Variants in LDB3 observed in about 807,000 individuals in gnomAD.
LDB3 encodes LIM domain binding 3.
In LDB3, 49 loss-of-function variants were observed where a neutral mutation model predicts 69.0. The ratio of observed to expected loss-of-function variants is 0.71; its 90% CI spans 0.56 to 0.90. LDB3 has a LOEUF of 0.90. Among genes scored for constraint, LDB3 ranks in the 40% least tolerant of loss-of-function variants. LDB3 has a pLI of 0.00. For synonymous variants in LDB3, 387 were observed against 396.2 expected (o/e 0.98, Z 0.28); for missense variants, 928 against 974.1 (o/e 0.95, Z 0.63).
chr10:86,726,534 T>C (rs978773698), intron 13 of LDB3: 9 of 465,056 alleles, frequency 1.9e-5, no homozygotes, highest in African/African-American at 1.6e-4. Flanking sequence ...TCACCAGCAG[T>C]GTTGTCAGCG....
chr10:86,699,404 A>G lies in LDB3; in HGVS notation c.896+6833A>G. ...CTGCCTGGAATCCCCCCACCCCAACAGGCTGGACTCCCTCCATCCTTACCC... is the reference window on the plus strand; with the variant it reads ...CTGCCTGGAATCCCCCCACCCCAACGGGCTGGACTCCCTCCATCCTTACCC... On this transcript the variant is annotated intron_variant, in intron 7 of 13. Coordinates refer to ENST00000361373, the MANE Select transcript of LDB3 (RefSeq NM_007078.3). This position sits in a 1 kb window ranked among gnomAD's most constrained non-coding sequence, Gnocchi z 4.9. 1 of 1,612,478 alleles carries G rather than the reference A, an allele frequency of 6.2e-7. No homozygotes were observed. The highest frequency in any genetic ancestry group is 8.5e-7 in the Non-Finnish European group (1 of 1,179,444).
intron 9 of LDB3, among the ~76,000 whole-genome samples, chr10:86,714,856 C>A (rs1177724058): frequency 6.6e-6 from 1 of 152,204 alleles, no homozygotes; most frequent in African/African-American, 2.4e-5. Context: ...CATGCCCAAC[C>A]GGTATTATCT....
chr10:86,710,054 A>G lies in LDB3; in HGVS notation c.1231+4A>G. 6.2e-7 allele frequency: 1 copy of G among 1,612,504 alleles called. No individual in the cohort carries two copies. Among genetic ancestry groups the G allele is most frequent in the Non-Finnish European group, 8.5e-7 (1 of 1,179,976 alleles). On this transcript the variant is annotated splice_donor_region_variant and intron_variant, in intron 9 of 13. Transcript: ENST00000361373. Reference sequence around the variant, plus strand: ...CGGCCTTCTGTCTACCAGCCAGGTAAGAGGCAGAGCAGGAGGGGAGGCTGT... The same window carrying G: ...CGGCCTTCTGTCTACCAGCCAGGTAGGAGGCAGAGCAGGAGGGGAGGCTGT...
chr10:86,708,032 C>T (rs1846509719), intron 8 of LDB3, among the ~76,000 whole-genome samples: 1 of 152,232 alleles, frequency 6.6e-6, no homozygotes, highest in African/African-American at 2.4e-5. Context: ...AATGCTGGAG[C>T]CCTGCAGGCA....
intron 13 of LDB3, among the ~76,000 whole-genome samples, chr10:86,726,796 T>C (rs1847272401): frequency 6.6e-6 from 1 of 152,182 alleles, no homozygotes; most frequent in African/African-American, 2.4e-5. Flanking sequence ...TGCCAGGAGA[T>C]AAGCCCTGGA....
intron 7 of LDB3, among the ~76,000 whole-genome samples, chr10:86,695,251 T>C (rs1419653917): frequency 2.6e-5 from 4 of 152,228 alleles, no homozygotes; most frequent in Admixed American, 1.3e-4. Context: ...CAAGTGTGAA[T>C]ACACATGTCA....
Position 86,681,658 on chromosome 10 carries a change from G to C in LDB3, c.544G>C (p.Gly182Arg). ...CCCAGAGGGGGCCCGGGACCTACTC[G>C]GCCCAAAAGCCCTGCCGGGCTCGAG... ...TSPEGARDLL[G>R]PKALPGSSQP... Residue 182 changes from glycine to arginine, a missense_variant, in exon 5 of 14, where the codon GGC becomes CGC. Coordinates refer to ENST00000361373, the MANE Select transcript of LDB3 (RefSeq NM_007078.3). The C allele has an allele frequency of 1.2e-6, 2 of 1,613,280 alleles. No individual in the cohort carries two copies. The highest frequency in any genetic ancestry group is 1.7e-6 in the Non-Finnish European group (2 of 1,179,872).
Position 86,699,188 on chromosome 10 carries a change from T to TA in LDB3, c.896+6619dup. ...ACAGGGGAATGGTGAACACATTCCC[T>TA]AACCCCTTTCATTCTCCCTCTCTTC... On this transcript the variant is annotated intron_variant, in intron 7 of 13. Coordinates refer to ENST00000361373, the MANE Select transcript of LDB3 (RefSeq NM_007078.3). This position sits in a 1 kb window ranked among gnomAD's most constrained non-coding sequence, Gnocchi z 4.9. 6.8e-7 allele frequency: 1 copy of TA among 1,462,836 alleles called. No individual in the cohort carries two copies. The highest frequency in any genetic ancestry group is 1.4e-5 in the African/African-American group (1 of 71,564). 90.6% of individuals were successfully genotyped at this position (1,462,836 alleles called of 1,614,324 possible).
chr10:86,718,956 C>A, intron 12 of LDB3, 109 bp downstream of exon 12: 1 of 1,396,562 alleles, frequency 7.2e-7, no homozygotes, highest in Non-Finnish European at 9.7e-7. Flanking sequence ...ACCCAGAGGC[C>A]TTTATTTCTG....
Position 86,716,350 on chromosome 10 carries a change from T to C in LDB3, c.1255T>C (p.Ser419Pro). The change falls in exon 10 of 14, where the codon TCC (serine) becomes CCC (proline). Residue 419 changes from serine (S) to proline (P), a missense_variant. By Grantham distance (74) the Ser-to-Pro change is moderately conservative. Transcript: ENST00000361373. ...AGTGCCTGCATCTACCTACAGCCCG[T>C]CCCCAGGGGCCAATTACAGTCCCAC... ...QPVPASTYSP[S>P]PGANYSPTPY... 6 of 1,610,928 alleles carry C rather than the reference T, an allele frequency of 3.7e-6. No homozygotes were observed. The highest frequency in any genetic ancestry group is 5.1e-6 in the Non-Finnish European group (6 of 1,179,714).
chr10:86,731,847 T>A (rs1036162463), intron 13 of LDB3, among the ~76,000 whole-genome samples: 15 of 152,260 alleles, frequency 9.9e-5, no homozygotes, highest in African/African-American at 3.6e-4. Flanking sequence ...TACTTTTTTT[T>A]TTTTTAAGCT....
At chr10:86,680,378 T>C (rs2132365126) in intron 4 of LDB3, among the ~76,000 whole-genome samples, 1 of 152,336 alleles carries the variant, frequency 6.6e-6, no homozygotes, top group Middle Eastern at 3.4e-3. Context: ...AATGAATGCC[T>C]GCCTGGGTGC....
intron 5 of LDB3, among the ~76,000 whole-genome samples, chr10:86,683,849 T>C (rs940900813): frequency 9.2e-5 from 14 of 152,250 alleles, no homozygotes; most frequent in African/African-American, 2.9e-4. Context: ...TCTCCCATGC[T>C]GAGCACCTTA....
Position 86,681,714 on chromosome 10 carries a change from C to T in LDB3, c.600C>T (p.Gly200=), listed in dbSNP as rs397517225. 2.5e-6 allele frequency: 4 copies of T among 1,613,020 alleles called. No homozygotes were observed. The highest frequency in any genetic ancestry group is 3.4e-6 in the Non-Finnish European group (4 of 1,179,494). The change falls in exon 5 of 14, where the codon GGC becomes GGT. Residue 200 remains glycine, a synonymous_variant. Transcript: ENST00000361373. The part of the protein sequence containing the change: ...SQPRQYNNPI[G]LYSAETLREM... ...CGAGGCAATATAACAACCCCATTGG[C>T]CTGTACTCGGCAGAGACCCTGAGGG...
At chr10:86,711,282 G>A (rs552629803) in intron 9 of LDB3, among the ~76,000 whole-genome samples, 79 of 152,216 alleles carry the variant, frequency 5.2e-4, no homozygotes, top group Middle Eastern at 3.4e-3. Context: ...TCAGGGCTCC[G>A]GGGGCGCGCG....
Position 86,718,017 on chromosome 10 carries a change from G to A in LDB3, c.1730G>A (p.Cys577Tyr). The A allele has an allele frequency of 6.2e-7, 1 of 1,614,198 alleles. No homozygotes were observed. Among genetic ancestry groups the A allele is most frequent in the Non-Finnish European group, 8.5e-7 (1 of 1,180,042 alleles). Residue 577 changes from cysteine (C) to tyrosine (Y), a missense_variant, in exon 11 of 14, where the codon TGT becomes TAT. Cys to Tyr is a radical substitution (Grantham distance 194, BLOSUM62 -2). Transcript: ENST00000361373. ...TCTTGGCACCCTGAAGAGTTCACCTGTGCCTACTGCAAGACTTCCCTGGCA... is the reference window on the plus strand; with the variant it reads ...TCTTGGCACCCTGAAGAGTTCACCTATGCCTACTGCAAGACTTCCCTGGCA... ...GRSWHPEEFT[C>Y]AYCKTSLADV...
chr10:86,692,595 G>C, intron 7 of LDB3, 24 bp downstream of exon 7: 1 of 1,611,844 alleles, frequency 6.2e-7, no homozygotes, highest in Non-Finnish European at 8.5e-7. Flanking sequence ...CTCAGGCTCT[G>C]TGGCCTTGCC....
At chr10:86,685,631 G>A in intron 5 of LDB3, 1 of 1,610,276 alleles carries the variant, frequency 6.2e-7, no homozygotes, top group South Asian at 1.1e-5. Flanking sequence ...GCCCCTGGTG[G>A]AGCCTCTCTC....
At chr10:86,713,508 G>A (rs1846748956) in intron 9 of LDB3, among the ~76,000 whole-genome samples, 1 of 152,168 alleles carries the variant, frequency 6.6e-6, no homozygotes, top group Admixed American at 6.5e-5. Context: ...GTCTTCCAAA[G>A]TGCTGGGATT....
Sources: gnomAD v4.1 joint callset for allele counts (sites outside exome capture counted in the v4.1 genomes callset) on GRCh38, gnomAD v4.1.1 for gene constraint, Gnocchi (gnomAD v3.1) non-coding constraint, MANE v1.5 for transcripts, NCBI Gene and HGNC (gene_info 2026-07-23, HGNC 2026-07-21) for gene names.